The following MACF1 variants were observed in gnomAD, a reference collection of about 807,000 sequenced individuals.
MACF1 encodes microtubule-actin cross-linking factor 1.
A neutral mutation model predicts 854.8 loss-of-function variants in MACF1; 193 were observed. That is an observed-to-expected ratio of 0.23 (90% CI 0.20 to 0.25). MACF1 has a LOEUF of 0.25. Among genes scored for constraint, MACF1 ranks in the 10% least tolerant of loss-of-function variants. MACF1 has a pLI of 1.00. For synonymous variants in MACF1, 3,185 were observed against 3,226.7 expected, an observed-to-expected ratio of 0.99 and a Z score of 0.44; for missense variants, 7,722 against 8,929.1, an observed-to-expected ratio of 0.86 and a Z score of 5.45.
At chr1:39,367,031 T>C (rs1218033830) in intron 49 of MACF1, among the ~76,000 whole-genome samples, 1 of 138,162 alleles carries the variant, frequency 7.2e-6, no homozygotes, top group Admixed American at 8.1e-5. Flanking sequence ...CACTGCAACC[T>C]CCTCCTCGCA....
intron 2 of MACF1, among the ~76,000 whole-genome samples, chr1:39,090,508 G>A (rs1373000812): frequency 6.6e-6 from 1 of 152,240 alleles, no homozygotes; most frequent in African/African-American, 2.4e-5. Context: ...TCTCTGAGGT[G>A]CAGGGCCCCT....
At chr1:39,268,920 G>C (rs749698493) in intron 6 of MACF1, 10 of 1,288,058 alleles carry the variant, frequency 7.8e-6, no homozygotes, top group Non-Finnish European at 9.1e-6. Context: ...CCAAAAGGAA[G>C]ACGGAGTGGG....
rs1313536427 is a variant in MACF1 at position 39,232,759 on chromosome 1, T to TG, written c.171+1516_171+1517insG. Among the ~76,000 whole-genome samples the TG allele has an allele frequency of 7.8e-5, 9 of 115,622 alleles. No homozygotes were observed. In the East Asian group the frequency reaches 1.3e-3, roughly 17 times the overall value. The allele number at this position is 115,622 out of a possible 152,430, so 75.9% of individuals were successfully genotyped here. ...CATACTCTCTTTGTTTTTTTTTTTT[T>TG]TTTTTTTTTGTTTGTTTGTTTCTTT... On this transcript the variant is annotated intron_variant, in intron 2 of 100. Transcript: ENST00000564288.
chr1:39,095,076 T>A (rs1641903164), intron 2 of MACF1, among the ~76,000 whole-genome samples: 1 of 152,148 alleles, frequency 6.6e-6, no homozygotes, highest in African/African-American at 2.4e-5. Flanking sequence ...CATGGAGACT[T>A]CCTTGGGTAG....
rs1484297529 is a variant in MACF1, at chr1:39,408,372, GGGAAA to G, written c.15817-14000_15817-13996del. On this transcript the variant is annotated intron_variant, in intron 58 of 100. Coordinates refer to ENST00000564288, the MANE Select transcript of MACF1 (RefSeq NM_001394062.1). ...CGTGACCGAATTCCTTTGGGACACCGGGAAAGTGCCGGGTTTAAGGCTGGAGTGTT... is the reference window on the plus strand; with the variant it reads ...CGTGACCGAATTCCTTTGGGACACCGGTGCCGGGTTTAAGGCTGGAGTGTT... Among the ~76,000 whole-genome samples the G allele has an allele frequency of 2.4e-4, 36 of 152,332 alleles. 1 individual carries two copies. The highest frequency in any genetic ancestry group is 8.7e-4 in the African/African-American group (36 of 41,576).
chr1:39,303,885 A>G (rs1052111567), intron 23 of MACF1, among the ~76,000 whole-genome samples: 2 of 152,064 alleles, frequency 1.3e-5, no homozygotes, highest in African/African-American at 4.8e-5. Flanking sequence ...TCAAAAAAAA[A>G]AAAAGGTTGA....
intron 58 of MACF1, chr1:39,411,781 G>A (rs375088908): frequency 2.5e-5 from 40 of 1,613,636 alleles, no homozygotes; most frequent in Non-Finnish European, 3.1e-5. Flanking sequence ...AAATTTACTC[G>A]TAATTAGTCA....
chr1:39,258,462 C>T (rs113723558), intron 6 of MACF1, among the ~76,000 whole-genome samples: 111 of 152,240 alleles, frequency 7.3e-4, no homozygotes, highest in African/African-American at 2.4e-3. Context: ...AAACAAGCCT[C>T]GTTAATTAGA....
chr1:39,383,298 A>G (rs1188912823), intron 56 of MACF1, among the ~76,000 whole-genome samples: 1 of 152,196 alleles, frequency 6.6e-6, no homozygotes, highest in Non-Finnish European at 1.5e-5. Context: ...TAGTTCCTGC[A>G]TCCAGGTAAT....
chr1:39,219,290 G>A (rs895179141), intron 1 of MACF1, among the ~76,000 whole-genome samples: 1 of 152,120 alleles, frequency 6.6e-6, no homozygotes, highest in African/African-American at 2.4e-5. Flanking sequence ...ATTTATGGAG[G>A]TTAAAAGTCT....
At chr1:39,473,575 A>G (rs966018202) in intron 97 of MACF1, among the ~76,000 whole-genome samples, 36 of 152,226 alleles carry the variant, frequency 2.4e-4, no homozygotes, top group African/African-American at 8.7e-4. Flanking sequence ...CCCACTGGCC[A>G]CTGACTCCTC....
intron 2 of MACF1, among the ~76,000 whole-genome samples, chr1:39,191,539 A>G (rs1320895770): frequency 2.0e-5 from 3 of 152,142 alleles, no homozygotes; most frequent in Admixed American, 6.5e-5. Context: ...CTCATCCACT[A>G]CTTGGGACAC....
intron 24 of MACF1, 49 bp from the exon 25 acceptor site, chr1:39,310,196 G>T (rs1443040190): frequency 1.4e-6 from 2 of 1,438,600 alleles, no homozygotes; most frequent in Admixed American, 4.2e-5. Flanking sequence ...AAAAGAGGAA[G>T]TGTTACATTT....
intron 2 of MACF1, among the ~76,000 whole-genome samples, chr1:39,090,074 G>T (rs1641766284): frequency 6.6e-6 from 1 of 152,214 alleles, no homozygotes; most frequent in African/African-American, 2.4e-5. Flanking sequence ...CTTTGTCAGG[G>T]AGCAGATGGA....
intron 2 of MACF1, among the ~76,000 whole-genome samples, chr1:39,120,172 C>CTG (rs1557465630): frequency 3.3e-5 from 5 of 151,966 alleles, no homozygotes; most frequent in African/African-American, 1.2e-4. Flanking sequence ...GCGTGAGCCA[C>CTG]CGCACCTGGC....
chr1:39,394,678 C>G (rs542882538), intron 58 of MACF1, among the ~76,000 whole-genome samples: 1 of 152,186 alleles, frequency 6.6e-6, no homozygotes, highest in African/African-American at 2.4e-5. Flanking sequence ...AGTTGAAAGA[C>G]TGCCAGTTTA....
Position 39,283,636 on chromosome 1 carries a change from C to T in MACF1, c.915+121C>T. ...TGGTATCAAACTATATATCCAGTAT[C>T]TTTATCATACATGGACATTATCCTT... On this transcript the variant is annotated intron_variant, in intron 9 of 100. Transcript: ENST00000564288. This position sits in a 1 kb window ranked among gnomAD's most constrained non-coding sequence, Gnocchi z 4.5. The T allele has an allele frequency of 1.4e-6, 1 of 696,990 alleles. No homozygotes were observed. Among genetic ancestry groups the T allele is most frequent in the Non-Finnish European group, 2.5e-6 (1 of 400,086 alleles). 43.2% of individuals were successfully genotyped at this position (696,990 alleles called of 1,614,324 possible). A position where few individuals can be genotyped will look rare whatever the true frequency, so the allele number is the denominator to read the frequency against.
At chr1:39,298,564 G>A in intron 21 of MACF1, 1 of 372,250 alleles carries the variant, frequency 2.7e-6, no homozygotes, top group Non-Finnish European at 5.2e-6. Context: ...GTCTGAATAA[G>A]AGAACTAGAA....
Position 39,331,207 on chromosome 1 carries a change from G to A in MACF1, c.4619G>A (p.Cys1540Tyr), listed in dbSNP as rs759014639. ...TTTTTTTTTTTTTTTTTTTAGGAATGCAGAGCAGTTGCTGGGGTGATTGAC... is the reference window on the plus strand; with the variant it reads ...TTTTTTTTTTTTTTTTTTTAGGAATACAGAGCAGTTGCTGGGGTGATTGAC... ...QLAHQTEQKECRAVAGVIDLG... is the reference protein window; with the variant it reads ...QLAHQTEQKEYRAVAGVIDLG... The change falls in exon 37 of 101, where the codon TGC (cysteine) becomes TAC (tyrosine). Residue 1540 changes from cysteine (C) to tyrosine (Y), a missense_variant. Cys to Tyr is a radical substitution (Grantham distance 194, BLOSUM62 -2). Transcript: ENST00000564288. 5.1e-6 allele frequency: 6 copies of A among 1,175,320 alleles called. No individual in the cohort carries two copies. In the African/African-American group the frequency reaches 1.2e-4, roughly 24 times the overall value. The allele number at this position is 1,175,320 out of a possible 1,614,324, so 72.8% of individuals were successfully genotyped here. A position where few individuals can be genotyped will look rare whatever the true frequency, so the allele number is the denominator to read the frequency against.
Sources: gnomAD v4.1 joint callset for allele counts (sites outside exome capture counted in the v4.1 genomes callset) on GRCh38, gnomAD v4.1.1 for gene constraint, Gnocchi (gnomAD v3.1) non-coding constraint, MANE v1.5 for transcripts, NCBI Gene and HGNC (gene_info 2026-07-23, HGNC 2026-07-21) for gene names.